MLLT3: variants seen among roughly 807,000 people sequenced by gnomAD.
MLLT3 encodes the protein MLLT3 super elongation complex subunit.
In MLLT3, 4 loss-of-function variants were observed where a neutral mutation model predicts 53.2. That is an observed-to-expected ratio of 0.08 (90% CI 0.04 to 0.17). MLLT3 has a LOEUF of 0.17. MLLT3 is among the 10% of genes least tolerant of loss of function. The probability of loss-of-function intolerance (pLI) is 1.00; values close to 1 mark genes in which losing one functional copy is unlikely to be tolerated. For missense variants in MLLT3, 569 were observed against 684.0 expected (o/e 0.83, Z 1.87); for synonymous variants, 283 against 230.6 (o/e 1.23, Z -2.06).
Position 20,573,658 on chromosome 9 carries a change from A to C in MLLT3, c.193+46996T>G, listed in dbSNP as rs114201245. On this transcript the variant is annotated intron_variant, in intron 2 of 10. Transcript: ENST00000380338. ...ATAAGATCTGAAGCAATTTAAGAGA[A>C]CTAAAACCAAACCAGGTTGGGTATA... Among the ~76,000 whole-genome samples, 723 of 152,334 alleles carry C rather than the reference A, an allele frequency of 4.7e-3. 5 individuals are homozygous for C. Among genetic ancestry groups the C allele is most frequent in the African/African-American group, 0.016 (676 of 41,578 alleles).
chr9:20,571,083 A>T (rs1819521337), intron 2 of MLLT3, among the ~76,000 whole-genome samples: 1 of 152,270 alleles, frequency 6.6e-6, no homozygotes, highest in Admixed American at 6.5e-5. Flanking sequence ...TGGCTTAGTT[A>T]CACACAGAAA....
chr9:20,531,386 T>G (rs1192351423), intron 2 of MLLT3, among the ~76,000 whole-genome samples: 1 of 152,190 alleles, frequency 6.6e-6, no homozygotes, highest in African/African-American at 2.4e-5. Context: ...TCCACCCACC[T>G]TGGGCTCCCA....
Position 20,513,321 on chromosome 9 carries a change from A to G in MLLT3, c.194-56535T>C, listed in dbSNP as rs1209066751. Among the ~76,000 whole-genome samples, 5 of 152,218 alleles carry G rather than the reference A, an allele frequency of 3.3e-5. 1 individual carries two copies. Among genetic ancestry groups the G allele is most frequent in the African/African-American group, 1.2e-4 (5 of 41,448 alleles). On this transcript the variant is annotated intron_variant, in intron 2 of 10. Transcript: ENST00000380338. ...GAGAGCTCTGACTAAGAGGAAAATTAGGTCTGGGTCTGTCAGTCCGATGAG... is the reference window on the plus strand; with the variant it reads ...GAGAGCTCTGACTAAGAGGAAAATTGGGTCTGGGTCTGTCAGTCCGATGAG...
intron 5 of MLLT3, among the ~76,000 whole-genome samples, chr9:20,405,940 C>T (rs916586078): frequency 6.6e-6 from 1 of 151,756 alleles, no homozygotes; most frequent in African/African-American, 2.4e-5. Context: ...GGTGAAATCC[C>T]GCCTCTACTA....
intron 5 of MLLT3, among the ~76,000 whole-genome samples, chr9:20,402,427 T>C (rs956243600): frequency 1.8e-4 from 27 of 152,286 alleles, no homozygotes; most frequent in Middle Eastern, 6.8e-3. Context: ...ACTCATTATA[T>C]TTGTAGATAG....
intron 5 of MLLT3, among the ~76,000 whole-genome samples, chr9:20,409,325 C>T (rs1164611000): frequency 6.6e-6 from 1 of 152,094 alleles, no homozygotes; most frequent in Non-Finnish European, 1.5e-5. Flanking sequence ...TATCAGAAGA[C>T]AAGATCAACT....
At chr9:20,577,337 A>G (rs1338586770) in intron 2 of MLLT3, among the ~76,000 whole-genome samples, 1 of 152,210 alleles carries the variant, frequency 6.6e-6, no homozygotes, top group Admixed American at 6.5e-5. Flanking sequence ...AGGCTCTGAG[A>G]TCTTTCAAAA....
At position 20,550,863 on chromosome 9, in the gene MLLT3, T is replaced by C. The variant is rs531283060; in HGVS notation, c.193+69791A>G. On this transcript the variant is annotated intron_variant, in intron 2 of 10. Coordinates refer to ENST00000380338, the MANE Select transcript of MLLT3 (RefSeq NM_004529.4). ...ACTACAACCTCCTGGGCTCAAGCAA[T>C]CCTCCCACCTCAGCTTCCCAAGTAG... Among the ~76,000 whole-genome samples the C allele has an allele frequency of 1.6e-4, 24 of 152,276 alleles. No individual in the cohort carries two copies. In the Middle Eastern group the frequency reaches 0.01, roughly 65 times the overall value.
Position 20,379,180 on chromosome 9 carries a change from C to A in MLLT3, c.1126-13436G>T, listed in dbSNP as rs947432546. On this transcript the variant is annotated intron_variant, in intron 5 of 10. Coordinates refer to ENST00000380338, the MANE Select transcript of MLLT3 (RefSeq NM_004529.4). The stretch of plus-strand genomic sequence containing the variant: ...GTATTTGGGATTAGGGAGGCAGGGG[C>A]AAGAACCTTTAACATCTGCTCCCTT... 3.3e-5 allele frequency among the ~76,000 whole-genome samples: 5 copies of A among 152,004 alleles called. No homozygotes were observed. In the East Asian group the frequency reaches 7.7e-4, roughly 23 times the overall value.
chr9:20,360,106 C>T (rs1055547922), intron 8 of MLLT3, among the ~76,000 whole-genome samples: 5 of 152,060 alleles, frequency 3.3e-5, no homozygotes, highest in Non-Finnish European at 5.9e-5. Flanking sequence ...TGATAATGAC[C>T]ATTATTTTCT....
chr9:20,381,062 C>A (rs745699752), intron 5 of MLLT3, among the ~76,000 whole-genome samples: 3 of 151,868 alleles, frequency 2.0e-5, no homozygotes, highest in Non-Finnish European at 2.9e-5. Context: ...TATGACTCTT[C>A]CTAGAATAAA....
intron 4 of MLLT3, among the ~76,000 whole-genome samples, chr9:20,417,202 T>G (rs569216009): frequency 2.1e-5 from 3 of 144,016 alleles, no homozygotes; most frequent in African/African-American, 7.6e-5. Context: ...TATTATATAT[T>G]ATATATATAT....
intron 2 of MLLT3, among the ~76,000 whole-genome samples, chr9:20,592,928 G>A (rs1820164859): frequency 6.6e-6 from 1 of 152,108 alleles, no homozygotes; most frequent in East Asian, 1.9e-4. Flanking sequence ...CATCCCCACT[G>A]ATAAAACTAA....
intron 5 of MLLT3, among the ~76,000 whole-genome samples, chr9:20,389,270 T>C (rs1822124302): frequency 6.6e-6 from 1 of 152,208 alleles, no homozygotes; most frequent in Non-Finnish European, 1.5e-5. Flanking sequence ...GCACAAAACA[T>C]CACATATTAT....
At chr9:20,579,311 A>G (rs1319808048) in intron 2 of MLLT3, among the ~76,000 whole-genome samples, 2 of 152,082 alleles carry the variant, frequency 1.3e-5, no homozygotes, top group Admixed American at 1.3e-4. Flanking sequence ...CAAAGGCTGC[A>G]ATGAGCTTTG....
chr9:20,574,893 G>T (rs142090087), intron 2 of MLLT3, among the ~76,000 whole-genome samples: 383 of 152,274 alleles, frequency 2.5e-3, no homozygotes, highest in Non-Finnish European at 4.2e-3. Flanking sequence ...AAACCCTGCC[G>T]TCACTTGATC....
intron 3 of MLLT3, among the ~76,000 whole-genome samples, chr9:20,453,570 C>T (rs1563971504): frequency 6.6e-6 from 1 of 152,038 alleles, no homozygotes; most frequent in Admixed American, 6.6e-5. Context: ...CAAAACAAAA[C>T]AAAACCAACT....
At chr9:20,424,030 T>C (rs1250121558) in intron 4 of MLLT3, among the ~76,000 whole-genome samples, 1 of 152,142 alleles carries the variant, frequency 6.6e-6, no homozygotes, top group Non-Finnish European at 1.5e-5. Context: ...TTGTGTTGAG[T>C]AGTATAACAA....
At chr9:20,482,795 T>TA (rs1824697563) in intron 2 of MLLT3, among the ~76,000 whole-genome samples, 1 of 152,182 alleles carries the variant, frequency 6.6e-6, no homozygotes, top group Admixed American at 6.5e-5. Context: ...ATTTCTTAGG[T>TA]AAAAAATCTC....
Sources: gnomAD v4.1 joint callset for allele counts (sites outside exome capture counted in the v4.1 genomes callset) on GRCh38, gnomAD v4.1.1 for gene constraint, MANE v1.5 for transcripts, NCBI Gene and HGNC (gene_info 2026-07-23, HGNC 2026-07-21) for gene names.